GABRG3: variants seen among roughly 807,000 people sequenced by gnomAD.
GABRG3 encodes gamma-aminobutyric acid receptor subunit gamma-3.
GABRG3 carries 25 observed loss-of-function variants against 48.8 expected under a neutral mutation model. That is an observed-to-expected ratio of 0.51 (90% confidence interval 0.37 to 0.72). The LOEUF is 0.72. Among genes scored for constraint, GABRG3 ranks in the 30% least tolerant of loss-of-function variants. The pLI is 0.00. For missense variants in GABRG3, 394 were observed against 577.9 expected (o/e 0.68, Z 3.26); for synonymous variants, 227 against 217.6 (o/e 1.04, Z -0.38).
chr15:27,518,989 C>T (rs1891094535), intron 6 of GABRG3, among the ~76,000 whole-genome samples: 1 of 152,030 alleles, frequency 6.6e-6, no homozygotes, highest in Non-Finnish European at 1.5e-5. Context: ...CATATAGAAC[C>T]ATTGAGAAGA....
chr15:27,371,651 A>G (rs778212573), intron 5 of GABRG3, among the ~76,000 whole-genome samples: 1 of 152,184 alleles, frequency 6.6e-6, no homozygotes, highest in Non-Finnish European at 1.5e-5. Context: ...GTTTCTATGG[A>G]TTCTGACTTT....
chr15:27,224,087 T>G (rs1889535764), intron 3 of GABRG3, among the ~76,000 whole-genome samples: 1 of 152,178 alleles, frequency 6.6e-6, no homozygotes, highest in South Asian at 2.1e-4. Flanking sequence ...CCAGGTGATG[T>G]ACGTGGAAGC....
At chr15:27,289,117 TTTGA>T (rs1353672331) in intron 3 of GABRG3, among the ~76,000 whole-genome samples, 1 of 152,214 alleles carries the variant, frequency 6.6e-6, no homozygotes, top group East Asian at 1.9e-4. Context: ...TTTTCACCTG[TTTGA>T]TTATGATATA....
chr15:27,530,693 C>A (rs1489964079), intron 9 of GABRG3: 3 of 471,000 alleles, frequency 6.4e-6, no homozygotes, highest in East Asian at 7.0e-5. Flanking sequence ...ATCAGCAGAG[C>A]CTTCTGCCTC....
rs1891524962 is a variant in GABRG3, at chr15:27,535,365, A to T, written c.*2484A>T. On this transcript the variant is annotated 3_prime_UTR_variant, in exon 10 of 10. Transcript: ENST00000615808. Reference sequence around the variant, plus strand: ...TTTTACTGATGCCTTGTGTTTCAAAACCACTCAACATTTGGATATTGTTAG... The same window carrying T: ...TTTTACTGATGCCTTGTGTTTCAAATCCACTCAACATTTGGATATTGTTAG... 6.6e-6 allele frequency: 1 copy of T among 152,194 alleles called. No individual in the cohort carries two copies. The highest frequency in any genetic ancestry group is 2.1e-4 in the South Asian group (1 of 4,826). The allele number at this position is 152,194 out of a possible 1,614,324, so 9.4% of individuals were successfully genotyped here. A position where few individuals can be genotyped will look rare whatever the true frequency, so the allele number is the denominator to read the frequency against.
intron 3 of GABRG3, among the ~76,000 whole-genome samples, chr15:27,298,945 G>GAAC (rs1254916452): frequency 1.3e-5 from 2 of 151,926 alleles, no homozygotes; most frequent in Non-Finnish European, 1.5e-5. Context: ...TGGGTTAAAT[G>GAAC]AACAACAACA....
rs185739693 is a variant in GABRG3 at position 27,352,826 on chromosome 15, C to T, written c.574+23938C>T. 9.1e-4 allele frequency among the ~76,000 whole-genome samples: 139 copies of T among 152,190 alleles called. No homozygotes were observed. Among genetic ancestry groups the T allele is most frequent in the Non-Finnish European group, 1.7e-3 (116 of 68,000 alleles). On this transcript the variant is annotated intron_variant, in intron 5 of 9. Coordinates refer to ENST00000615808, the MANE Select transcript of GABRG3 (RefSeq NM_033223.5). This position sits in a 1 kb window ranked among gnomAD's most constrained non-coding sequence, Gnocchi z 4.0. ...ATATGGGGCCCAGGTATAGCAACAC[C>T]TAACTCATAGGACTATGGGGGGCGT...
At chr15:27,525,650 T>C (rs1376717919) in intron 7 of GABRG3, among the ~76,000 whole-genome samples, 1 of 152,220 alleles carries the variant, frequency 6.6e-6, no homozygotes, top group Admixed American at 6.5e-5. Context: ...TGTATTTCTA[T>C]TGAAATAGAA....
At chr15:27,528,397 A>G (rs895951124) in intron 9 of GABRG3, among the ~76,000 whole-genome samples, 1 of 152,254 alleles carries the variant, frequency 6.6e-6, no homozygotes. Flanking sequence ...TTTAATGACC[A>G]TATCATATGC....
chr15:27,518,972 A>G (rs1891094260), intron 6 of GABRG3, among the ~76,000 whole-genome samples: 1 of 152,206 alleles, frequency 6.6e-6, no homozygotes, highest in South Asian at 2.1e-4. Context: ...ATTTGAGAGC[A>G]ATGGATCATA....
chr15:27,026,936 C>A, intron 3 of GABRG3, 115 bp downstream of exon 3: 1 of 625,282 alleles, frequency 1.6e-6, no homozygotes, highest in Non-Finnish European at 2.7e-6. Context: ...ACACTGACTT[C>A]TTAAATCTGT....
At chr15:27,320,789 GT>G (rs1893397340) in intron 3 of GABRG3, among the ~76,000 whole-genome samples, 1 of 152,044 alleles carries the variant, frequency 6.6e-6, no homozygotes, top group Non-Finnish European at 1.5e-5. Flanking sequence ...GATATTTGCA[GT>G]TTTAAAATAT....
intron 5 of GABRG3, among the ~76,000 whole-genome samples, chr15:27,387,902 AGGAGGGAAGGAGGGAAGGAGGGAGGGAG>A (rs1340571253): frequency 5.4e-5 from 2 of 36,808 alleles, no homozygotes; most frequent in East Asian, 1.1e-3. Flanking sequence ...GAAGGAAGGA[AGGAGGGAAGGAGGGAAGGAGGGAGGGAG>A]GGAGGGAAGG....
At chr15:27,523,067 A>T (rs1265851666) in intron 7 of GABRG3, among the ~76,000 whole-genome samples, 2 of 151,890 alleles carry the variant, frequency 1.3e-5, no homozygotes, top group African/African-American at 2.4e-5. Context: ...CTCCTGCCAT[A>T]CACAAAAAAT....
intron 5 of GABRG3, among the ~76,000 whole-genome samples, chr15:27,442,450 A>G (rs1323448839): frequency 6.6e-6 from 1 of 152,200 alleles, no homozygotes; most frequent in East Asian, 1.9e-4. Context: ...CTTATAGCAC[A>G]CACAGATGTG....
At chr15:27,373,232 C>A (rs746567680) in intron 5 of GABRG3, among the ~76,000 whole-genome samples, 5 of 152,172 alleles carry the variant, frequency 3.3e-5, no homozygotes, top group African/African-American at 1.2e-4. Flanking sequence ...TTATAATTTT[C>A]AAAAACTTAA....
At chr15:27,093,694 G>T (rs1241331533) in intron 3 of GABRG3, among the ~76,000 whole-genome samples, 1 of 151,962 alleles carries the variant, frequency 6.6e-6, no homozygotes, top group East Asian at 1.9e-4. Context: ...ACAATATTTG[G>T]GCACTCAAGA....
At chr15:27,062,555 C>A (rs1896669337) in intron 3 of GABRG3, among the ~76,000 whole-genome samples, 1 of 151,810 alleles carries the variant, frequency 6.6e-6, no homozygotes. Context: ...TTGCAGTGAG[C>A]TAAGATCCTG....
At chr15:27,420,045 A>C (rs1298047072) in intron 5 of GABRG3, among the ~76,000 whole-genome samples, 1 of 152,252 alleles carries the variant, frequency 6.6e-6, no homozygotes, top group Non-Finnish European at 1.5e-5. Context: ...TGTGAAGAAC[A>C]CCAAGGGTTG....
Sources: allele counts gnomAD v4.1 joint callset (sites outside exome capture counted in the v4.1 genomes callset), GRCh38; gene constraint gnomAD v4.1.1; non-coding constraint Gnocchi (gnomAD v3.1); transcripts MANE v1.5; gene names NCBI Gene and HGNC (gene_info 2026-07-23, HGNC 2026-07-21).